ADGRB3: variants seen among roughly 807,000 people sequenced by gnomAD.
ADGRB3 encodes the protein brain-specific angiogenesis inhibitor 3.
ADGRB3 carries 37 observed loss-of-function variants against 193.4 expected under a neutral mutation model. The observed-to-expected ratio is 0.19, with a 90% confidence interval of 0.15 to 0.25. The LOEUF (loss-of-function observed/expected upper bound fraction) is 0.25. Among genes scored for constraint, ADGRB3 ranks in the 10% least tolerant of loss-of-function variants. ADGRB3 has a pLI of 1.00. For missense variants in ADGRB3, 1,637 were observed against 1,852.9 expected (o/e 0.88, Z 2.14); for synonymous variants, 690 against 644.2 (o/e 1.07, Z -1.08).
At chr6:68,730,216 TAAAC>T (rs1765746849) in intron 3 of ADGRB3, among the ~76,000 whole-genome samples, 1 of 151,642 alleles carries the variant, frequency 6.6e-6, no homozygotes, top group African/African-American at 2.4e-5. Context: ...TTTATATCCA[TAAAC>T]AATTATGTGA....
At chr6:68,762,484 G>T (rs1166871444) in intron 3 of ADGRB3, among the ~76,000 whole-genome samples, 2 of 150,814 alleles carry the variant, frequency 1.3e-5, no homozygotes, top group Non-Finnish European at 3.0e-5. Context: ...GTCCAACCAT[G>T]AATATATATA....
intron 4 of ADGRB3, among the ~76,000 whole-genome samples, chr6:68,935,032 G>C (rs905673829): frequency 6.6e-6 from 1 of 152,162 alleles, no homozygotes; most frequent in Non-Finnish European, 1.5e-5. Context: ...TATATGTCCA[G>C]TTATAAACAG....
chr6:69,331,386 G>A (rs1041117798), intron 23 of ADGRB3: 1 of 263,658 alleles, frequency 3.8e-6, no homozygotes, highest in African/African-American at 2.3e-5. Flanking sequence ...GAAAGAAACT[G>A]TCTAAATTAA....
At chr6:69,212,631 G>A (rs2127241176) in intron 17 of ADGRB3, among the ~76,000 whole-genome samples, 1 of 152,160 alleles carries the variant, frequency 6.6e-6, no homozygotes, top group South Asian at 2.1e-4. Flanking sequence ...TTCCTTCCTT[G>A]ATTTGGTAGG....
At chr6:69,219,202 T>C (rs1221783847) in intron 17 of ADGRB3, among the ~76,000 whole-genome samples, 1 of 151,874 alleles carries the variant, frequency 6.6e-6, no homozygotes, top group Non-Finnish European at 1.5e-5. Flanking sequence ...TGTACCGGTC[T>C]TTCTCAATGT....
chr6:68,814,574 T>C (rs1767588142), intron 3 of ADGRB3, among the ~76,000 whole-genome samples: 1 of 152,210 alleles, frequency 6.6e-6, no homozygotes, highest in Admixed American at 6.5e-5. Context: ...TTGTCAATTT[T>C]GGCTTTTGTT....
intron 4 of ADGRB3, among the ~76,000 whole-genome samples, 185 bp from the exon 5 acceptor site, chr6:68,936,333 CA>C (rs1767485851): frequency 6.6e-6 from 1 of 152,152 alleles, no homozygotes; most frequent in African/African-American, 2.4e-5. Context: ...TTGGTGTTTG[CA>C]TCAGCATTAT....
chr6:68,896,435 GA>G (rs1487752465), intron 3 of ADGRB3, among the ~76,000 whole-genome samples: 1 of 152,058 alleles, frequency 6.6e-6, no homozygotes, highest in Non-Finnish European at 1.5e-5. Flanking sequence ...AAAAATAGCT[GA>G]AAATTTTCAA....
chr6:69,225,658 G>T (rs1272032357), intron 17 of ADGRB3, among the ~76,000 whole-genome samples: 1 of 152,176 alleles, frequency 6.6e-6, no homozygotes, highest in East Asian at 1.9e-4. Flanking sequence ...CAGAAATTGA[G>T]ATATCCAGGC....
chr6:68,857,149 C>A (rs887647137), intron 3 of ADGRB3, among the ~76,000 whole-genome samples: 1 of 152,176 alleles, frequency 6.6e-6, no homozygotes, highest in African/African-American at 2.4e-5. Flanking sequence ...GCATTGGGGG[C>A]CCCTCATGGA....
chr6:68,655,214 C>CA (rs1418453131), intron 3 of ADGRB3, among the ~76,000 whole-genome samples: 1 of 151,346 alleles, frequency 6.6e-6, no homozygotes, highest in Non-Finnish European at 1.5e-5. Flanking sequence ...GTTTAAGGGT[C>CA]AGACTCCCTG....
chr6:69,086,247 A>G (rs1772546970), intron 17 of ADGRB3, among the ~76,000 whole-genome samples: 1 of 152,128 alleles, frequency 6.6e-6, no homozygotes, highest in African/African-American at 2.4e-5. Flanking sequence ...TATAATAATA[A>G]AGCACAATAT....
intron 6 of ADGRB3, among the ~76,000 whole-genome samples, chr6:68,955,029 T>C (rs1768033022): frequency 1.3e-5 from 2 of 152,154 alleles, no homozygotes; most frequent in Admixed American, 6.5e-5. Flanking sequence ...TGAAAGTTTT[T>C]CATAATCTAG....
intron 17 of ADGRB3, among the ~76,000 whole-genome samples, chr6:69,088,559 A>G (rs1772615241): frequency 6.6e-6 from 1 of 152,164 alleles, no homozygotes; most frequent in Non-Finnish European, 1.5e-5. Flanking sequence ...TTATTAGTAG[A>G]GATGGGATTT....
intron 16 of ADGRB3, among the ~76,000 whole-genome samples, chr6:69,068,721 C>G (rs937418757): frequency 6.6e-6 from 1 of 152,160 alleles, no homozygotes; most frequent in African/African-American, 2.4e-5. Flanking sequence ...GTCATCACAT[C>G]TATAAAAATA....
At chr6:69,251,117 A>G (rs902438394) in intron 20 of ADGRB3, among the ~76,000 whole-genome samples, 10 of 152,318 alleles carry the variant, frequency 6.6e-5, no homozygotes, top group Admixed American at 2.6e-4. Flanking sequence ...ATTACTAGCA[A>G]GACCAGTTTC....
chr6:69,301,774 A>T lies in ADGRB3; in HGVS notation c.2815-23098A>T, dbSNP rs543910637. ...CTCATGAAACTGCTACTGTGACAAT[A>T]GGCACCAAAAAAATCAGTTTTTCAC... On this transcript the variant is annotated intron_variant, in intron 20 of 31. Transcript: ENST00000370598. Among the ~76,000 whole-genome samples the T allele has an allele frequency of 3.0e-4, 46 of 151,974 alleles. No homozygotes were observed. In the South Asian group the frequency reaches 9.1e-3, roughly 30 times the overall value.
chr6:69,005,244 A>G (rs916737330), intron 11 of ADGRB3, among the ~76,000 whole-genome samples: 3 of 151,660 alleles, frequency 2.0e-5, no homozygotes, highest in Non-Finnish European at 4.4e-5. Context: ...CCAAAGCACT[A>G]AAGATTGGAT....
rs144921722 is a variant in ADGRB3 at position 69,277,730 on chromosome 6, G to A, written c.2814+38504G>A. Among the ~76,000 whole-genome samples the A allele has an allele frequency of 3.4e-3, 510 of 152,220 alleles. 4 individuals are homozygous for A. Among genetic ancestry groups the A allele is most frequent in the Middle Eastern group, 0.02 (6 of 294 alleles). ...ATTATTAAGAAAAAAGAGAAATGGC[G>A]ATTAAGAACACAAGCCCAGTAGTAT... On this transcript the variant is annotated intron_variant, in intron 20 of 31. Transcript: ENST00000370598.
Sources: gnomAD v4.1 joint callset for allele counts (sites outside exome capture counted in the v4.1 genomes callset) on GRCh38, gnomAD v4.1.1 for gene constraint, MANE v1.5 for transcripts, NCBI Gene and HGNC (gene_info 2026-07-23, HGNC 2026-07-21) for gene names.